NTM: variants seen among roughly 807,000 people sequenced by gnomAD.
The protein encoded by NTM is IgLON family member 2.
Under a neutral mutation model 42.1 loss-of-function variants are expected in NTM, and 13 were observed. The ratio of observed to expected loss-of-function variants is 0.31; its 90% CI spans 0.20 to 0.49. The LOEUF (loss-of-function observed/expected upper bound fraction) is 0.49. Ranked by LOEUF, NTM falls within the 20% of genes least tolerant of loss-of-function variation. The pLI is 0.99. For missense variants in NTM, 373 were observed against 452.8 expected, an observed-to-expected ratio of 0.82 and a Z score of 1.60; for synonymous variants, 187 against 179.2, an observed-to-expected ratio of 1.04 and a Z score of -0.35.
chr11:132,245,280 C>T (rs1410308922), intron 4 of NTM, among the ~76,000 whole-genome samples: 2 of 151,928 alleles, frequency 1.3e-5, no homozygotes, highest in Non-Finnish European at 2.9e-5. Flanking sequence ...GGGGAGAGGT[C>T]AGAAATAATG....
chr11:131,627,635 CA>C (rs2063252818), intron 1 of NTM, among the ~76,000 whole-genome samples: 2 of 151,902 alleles, frequency 1.3e-5, no homozygotes, highest in South Asian at 4.2e-4. Context: ...AGTTTGAGAC[CA>C]GCTAGGCAAC....
chr11:131,514,274 T>C (rs1032033898), intron 1 of NTM, among the ~76,000 whole-genome samples: 2 of 152,104 alleles, frequency 1.3e-5, no homozygotes, highest in Non-Finnish European at 2.9e-5. Flanking sequence ...TATCTGTAAA[T>C]GTAGGTAATA....
At chr11:132,072,319 T>G (rs2057787632) in intron 2 of NTM, among the ~76,000 whole-genome samples, 3 of 152,184 alleles carry the variant, frequency 2.0e-5, no homozygotes, top group African/African-American at 7.2e-5. Flanking sequence ...ATTGTGTTAC[T>G]CAGACTCCCG....
intron 2 of NTM, chr11:131,981,050 T>TA (rs1254679614): frequency 6.6e-6 from 1 of 152,210 alleles, no homozygotes; most frequent in Non-Finnish European, 1.5e-5. Flanking sequence ...AATCCTTTTA[T>TA]AACCTCACTA....
At chr11:132,061,379 T>G (rs2080650527) in intron 2 of NTM, among the ~76,000 whole-genome samples, 1 of 152,198 alleles carries the variant, frequency 6.6e-6, no homozygotes, top group African/African-American at 2.4e-5. Context: ...ATATTGCAAT[T>G]ATAAAGGTCC....
Position 131,886,584 on chromosome 11 carries a change from T to C in NTM, c.83-24980T>C, listed in dbSNP as rs138616773. On this transcript the variant is annotated intron_variant, in intron 1 of 8. Coordinates refer to ENST00000683400, the MANE Select transcript of NTM (RefSeq NM_001352005.2). The stretch of plus-strand genomic sequence containing the variant: ...TTTATAGAGTAAACTGTCCATTTGG[T>C]GGCTGCTGTCTTGCTAACTCGGCAG... Among the ~76,000 whole-genome samples, 726 of 152,360 alleles carry C rather than the reference T, an allele frequency of 4.8e-3. 2 individuals are homozygous for C. The highest frequency in any genetic ancestry group is 6.5e-3 in the Non-Finnish European group (442 of 68,044).
chr11:132,167,561 C>T (rs1411796803), intron 3 of NTM, among the ~76,000 whole-genome samples: 1 of 152,234 alleles, frequency 6.6e-6, no homozygotes, highest in African/African-American at 2.4e-5. Flanking sequence ...CCCATTCAAG[C>T]AATGGCTGTC....
At chr11:131,965,191 T>A (rs1217970896) in intron 2 of NTM, among the ~76,000 whole-genome samples, 1 of 150,542 alleles carries the variant, frequency 6.6e-6, no homozygotes, top group Non-Finnish European at 1.5e-5. Flanking sequence ...GGAGAAAGAG[T>A]ATCAGGAGGA....
chr11:132,210,494 G>T (rs986725528), intron 3 of NTM, among the ~76,000 whole-genome samples: 1 of 152,176 alleles, frequency 6.6e-6, no homozygotes, highest in African/African-American at 2.4e-5. Context: ...AAAGCTCATG[G>T]CCTAGTGGGT....
intron 1 of NTM, among the ~76,000 whole-genome samples, chr11:131,487,153 G>A (rs566016672): frequency 2.0e-5 from 3 of 152,232 alleles, no homozygotes; most frequent in East Asian, 3.9e-4. Flanking sequence ...CCATCCCTGG[G>A]CCCCTGGAAG....
At chr11:132,000,799 C>T (rs1480315142) in intron 2 of NTM, among the ~76,000 whole-genome samples, 1 of 152,046 alleles carries the variant, frequency 6.6e-6, no homozygotes, top group Non-Finnish European at 1.5e-5. Context: ...ACAAATAGAA[C>T]AGGAAAAAAT....
chr11:131,457,243 T>C (rs11222633), intron 1 of NTM, among the ~76,000 whole-genome samples: 12,322 of 152,160 alleles, frequency 0.081, 1,268 homozygotes, highest in African/African-American at 0.23. Context: ...GTGTGTCCTG[T>C]ATCTTTAGAT....
intron 1 of NTM, among the ~76,000 whole-genome samples, chr11:131,509,045 T>G (rs562136887): frequency 6.6e-6 from 1 of 151,678 alleles, no homozygotes; most frequent in Non-Finnish European, 1.5e-5. Context: ...TAATAAAAAA[T>G]AATAATAATA....
intron 3 of NTM, among the ~76,000 whole-genome samples, chr11:132,156,456 C>G (rs2073211517): frequency 1.3e-5 from 2 of 152,230 alleles, no homozygotes; most frequent in African/African-American, 2.4e-5. Context: ...ACTCCCACCT[C>G]TGCCAGGAGC....
chr11:132,134,086 G>C (rs2067294996), intron 2 of NTM, among the ~76,000 whole-genome samples: 1 of 152,080 alleles, frequency 6.6e-6, no homozygotes, highest in African/African-American at 2.4e-5. Flanking sequence ...ACCCTGCCCA[G>C]CCATTTTTTT....
At chr11:131,834,085 T>C (rs4937661) in intron 1 of NTM, among the ~76,000 whole-genome samples, 12,377 of 152,176 alleles carry the variant, frequency 0.081, 689 homozygotes, top group Middle Eastern at 0.13. Flanking sequence ...TATCCTGATA[T>C]CTTCTCTTTC....
intron 1 of NTM, among the ~76,000 whole-genome samples, chr11:131,878,588 AAAAAAAATATATATATATAT>A (rs2048897493): frequency 1.8e-5 from 1 of 54,116 alleles, no homozygotes; most frequent in African/African-American, 8.5e-5. Context: ...AAAAAAAAAA[AAAAAAAATATATATATATAT>A]ATATATATAT....
intron 4 of NTM, among the ~76,000 whole-genome samples, chr11:132,296,987 G>A (rs2094635184): frequency 6.6e-6 from 1 of 152,144 alleles, no homozygotes; most frequent in African/African-American, 2.4e-5. Context: ...TTAATTAAAT[G>A]TTACAAATAC....
At chr11:132,281,418 A>G (rs111755755) in intron 4 of NTM, among the ~76,000 whole-genome samples, 4 of 152,192 alleles carry the variant, frequency 2.6e-5, no homozygotes, top group African/African-American at 4.8e-5. Context: ...AAAGAGTTCA[A>G]TATATACAAG....
Sources: gnomAD v4.1 joint callset for allele counts (sites outside exome capture counted in the v4.1 genomes callset) on GRCh38, gnomAD v4.1.1 for gene constraint, MANE v1.5 for transcripts, NCBI Gene and HGNC (gene_info 2026-07-23, HGNC 2026-07-21) for gene names.